FRMPD4: variants seen among roughly 807,000 people sequenced by gnomAD.
FRMPD4 encodes FERM and PDZ domain containing 4, also known as FERM and PDZ domain-containing protein 4.
In FRMPD4, 22 loss-of-function variants were observed where a neutral mutation model predicts 94.1. The observed-to-expected ratio is 0.23, with a 90% CI of 0.17 to 0.33. FRMPD4 has a LOEUF of 0.33. Ranked by LOEUF, FRMPD4 falls within the 10% of genes least tolerant of loss-of-function variation. The probability of loss-of-function intolerance (pLI) is 1.00; values close to 1 mark genes in which losing one functional copy is unlikely to be tolerated. For missense variants in FRMPD4, 1,111 were observed against 1,339.9 expected, an observed-to-expected ratio of 0.83 and a Z score of 2.67; for synonymous variants, 631 against 548.6, an observed-to-expected ratio of 1.15 and a Z score of -2.10.
At chrX:12,719,858 A>G (rs1334684457) in intron 16 of FRMPD4, among the ~76,000 whole-genome samples, 1 of 111,278 alleles carries the variant, frequency 9.0e-6, no homozygotes, top group East Asian at 2.8e-4. Flanking sequence ...AAGAAAAAAA[A>G]AAATGTTGAA....
chrX:12,343,747 GC>G (rs1469412163), intron 1 of FRMPD4, among the ~76,000 whole-genome samples: 1 of 111,813 alleles, frequency 8.9e-6, no homozygotes, highest in Non-Finnish European at 1.9e-5. Context: ...GAGGTTGTGA[GC>G]ACTGATGACA....
chrX:12,093,603 A>G (rs1260729949), intron 3 of FRMPD4, among the ~76,000 whole-genome samples: 5 of 52,012 alleles, frequency 9.6e-5, no homozygotes, highest in Admixed American at 9.5e-4. Flanking sequence ...AAACCAAGAC[A>G]AAAAAAAAAA....
At chrX:11,827,418 T>C (rs2053450443) in intron 1 of FRMPD4, among the ~76,000 whole-genome samples, 1 of 110,411 alleles carries the variant, frequency 9.1e-6, no homozygotes, top group Admixed American at 9.8e-5. Context: ...CCGAGTCATT[T>C]CATAGCAAAG....
intron 3 of FRMPD4, among the ~76,000 whole-genome samples, chrX:12,103,787 A>G (rs2055273741): frequency 1.8e-5 from 2 of 111,984 alleles, no homozygotes; most frequent in African/African-American, 6.5e-5. Context: ...ACCAGAGATA[A>G]TTAGAGTTTA....
chrX:12,416,881 T>C (rs6654759), intron 1 of FRMPD4, among the ~76,000 whole-genome samples: 2,818 of 112,102 alleles, frequency 0.025, 96 homozygotes, highest in African/African-American at 0.086. Flanking sequence ...TAAAATCCTT[T>C]ATTTTGGGAA....
intron 1 of FRMPD4, among the ~76,000 whole-genome samples, chrX:12,446,883 T>C (rs149324165): frequency 0.023 from 2,576 of 111,880 alleles, 33 homozygotes; most frequent in Non-Finnish European, 0.037. Flanking sequence ...GATGTAGCTG[T>C]CGCAATGAGA....
chrX:12,362,291 T>G (rs2056002729), intron 1 of FRMPD4, among the ~76,000 whole-genome samples: 1 of 110,548 alleles, frequency 9.0e-6, no homozygotes, highest in Non-Finnish European at 1.9e-5. Flanking sequence ...TGTGCCATGT[T>G]GGTGTGCTGC....
At position 11,903,560 on chromosome X, in the gene FRMPD4, T is replaced by A. The variant is rs746274373; in HGVS notation, c.95+25542T>A. On this transcript the variant is annotated intron_variant, in intron 3 of 18. Transcript: ENST00000640291. ...AATTCCATGCTTTATTTGTTTGAAG[T>A]CAAGACATTTTTAAATTACAAACTT... is the stretch of plus-strand genomic sequence containing the variant. Among the ~76,000 whole-genome samples, 5 of 112,363 alleles carry A rather than the reference T, an allele frequency of 4.4e-5. No individual in the cohort carries two copies. In the East Asian group the frequency reaches 1.4e-3, roughly 31 times the overall value.
At chrX:12,386,297 A>C (rs1305702938) in intron 1 of FRMPD4, among the ~76,000 whole-genome samples, 1 of 112,519 alleles carries the variant, frequency 8.9e-6, no homozygotes, top group East Asian at 2.8e-4. Context: ...CATGATAGAG[A>C]AAAGCTTGGG....
At chrX:11,873,358 G>C (rs1175065711) in intron 2 of FRMPD4, among the ~76,000 whole-genome samples, 2 of 111,223 alleles carry the variant, frequency 1.8e-5, no homozygotes, top group Non-Finnish European at 3.8e-5. Context: ...AGAACAATAA[G>C]TGAGTTTAGC....
intron 1 of FRMPD4, among the ~76,000 whole-genome samples, chrX:12,320,603 T>G (rs1179130108): frequency 7.1e-5 from 8 of 111,914 alleles, no homozygotes; most frequent in African/African-American, 9.7e-5. Flanking sequence ...CTTTTTAAAA[T>G]TAAACTGGGA....
Position 12,194,559 on chromosome X carries a change from A to T in FRMPD4, c.41+55547A>T, listed in dbSNP as rs766615181. 7.4e-3 allele frequency among the ~76,000 whole-genome samples: 826 copies of T among 111,552 alleles called. 6 individuals carry two copies. The highest frequency in any genetic ancestry group is 0.012 in the Non-Finnish European group (624 of 53,013). On this transcript the variant is annotated intron_variant, in intron 1 of 16. Transcript: ENST00000675598. ...TTGGGGATGAAGGAGGAAGTTTGAG[A>T]GCTATTATTGTTTACTAAACTACTG... is the stretch of plus-strand genomic sequence containing the variant.
intron 1 of FRMPD4, among the ~76,000 whole-genome samples, chrX:12,396,714 T>C (rs939883845): frequency 1.8e-5 from 2 of 112,041 alleles, no homozygotes; most frequent in African/African-American, 6.5e-5. Flanking sequence ...TCTACATGTT[T>C]GTGTGTCTGT....
At chrX:12,262,554 G>T (rs2147828896) in intron 1 of FRMPD4, among the ~76,000 whole-genome samples, 1 of 112,092 alleles carries the variant, frequency 8.9e-6, no homozygotes, top group East Asian at 2.8e-4. Context: ...TAACTCACAG[G>T]GTTGTTTTGA....
intron 1 of FRMPD4, among the ~76,000 whole-genome samples, chrX:12,349,232 A>T (rs1414877864): frequency 1.8e-5 from 2 of 111,497 alleles, no homozygotes; most frequent in Admixed American, 1.9e-4. Flanking sequence ...AGTTTATCTC[A>T]GCCGAAAGGA....
At chrX:11,915,744 C>G (rs1420980890) in intron 3 of FRMPD4, among the ~76,000 whole-genome samples, 1 of 111,907 alleles carries the variant, frequency 8.9e-6, no homozygotes, top group Non-Finnish European at 1.9e-5. Flanking sequence ...ATAGTGAACT[C>G]ACCTCTGGAG....
intron 1 of FRMPD4, among the ~76,000 whole-genome samples, chrX:12,244,409 G>T (rs990068188): frequency 3.6e-5 from 4 of 111,678 alleles, no homozygotes; most frequent in Non-Finnish European, 5.6e-5. Context: ...TTCCACATGG[G>T]ATCTCCCTTC....
intron 1 of FRMPD4, among the ~76,000 whole-genome samples, chrX:12,203,641 T>C (rs1341871876): frequency 8.9e-6 from 1 of 112,287 alleles, no homozygotes; most frequent in Non-Finnish European, 1.9e-5. Flanking sequence ...ATACAAGAGA[T>C]GCTGTCCTGC....
At chrX:11,852,442 C>CAAAAAAAAA (rs374590200) in intron 1 of FRMPD4, among the ~76,000 whole-genome samples, 1 of 52,637 alleles carries the variant, frequency 1.9e-5, no homozygotes, top group African/African-American at 6.7e-5. Flanking sequence ...ACCCTGTCTC[C>CAAAAAAAAA]AAAAAAAAAA....
Sources: gnomAD v4.1 joint callset for allele counts (sites outside exome capture counted in the v4.1 genomes callset) on GRCh38, gnomAD v4.1.1 for gene constraint, MANE v1.5 for transcripts, NCBI Gene and HGNC (gene_info 2026-07-23, HGNC 2026-07-21) for gene names.